ASH1L: variants seen among roughly 807,000 people sequenced by gnomAD.
ASH1L encodes the protein ASH1 like histone lysine methyltransferase.
In ASH1L, 23 loss-of-function variants were observed where a neutral mutation model predicts 269.0. The observed-to-expected ratio is 0.09, with a 90% CI of 0.06 to 0.12. The LOEUF is 0.12. Ranked by LOEUF, ASH1L falls within the 10% of genes least tolerant of loss-of-function variation. ASH1L has a pLI of 1.00. For missense variants in ASH1L, 2,912 were observed against 3,567.8 expected, an observed-to-expected ratio of 0.82 and a Z score of 4.68; for synonymous variants, 1,187 against 1,253.5, an observed-to-expected ratio of 0.95 and a Z score of 1.12.
rs543944644 is a variant in ASH1L at position 155,401,172 on chromosome 1, A to C, written c.6009-5619T>G. Among the ~76,000 whole-genome samples, 6 of 151,730 alleles carry C rather than the reference A, an allele frequency of 4.0e-5. 1 individual carries two copies. In the South Asian group the frequency reaches 1.2e-3, roughly 32 times the overall value. On this transcript the variant is annotated intron_variant, in intron 6 of 27. Coordinates refer to ENST00000392403, the MANE Select transcript of ASH1L (RefSeq NM_018489.3). ...TGAGACTCTCTGTCTCAAAAAAAAAAAGTGTTAAAAAAGATCGCCGGTGGC... is the reference window on the plus strand; with the variant it reads ...TGAGACTCTCTGTCTCAAAAAAAAACAGTGTTAAAAAAGATCGCCGGTGGC...
At chr1:155,558,921 T>A (rs1230792422) in intron 1 of ASH1L, among the ~76,000 whole-genome samples, 1 of 149,590 alleles carries the variant, frequency 6.7e-6, no homozygotes, top group South Asian at 2.1e-4. Flanking sequence ...CTCGGCTCAC[T>A]GCAACCTCCA....
At chr1:155,388,775 G>A (rs1160320178) in intron 7 of ASH1L, among the ~76,000 whole-genome samples, 5 of 141,960 alleles carry the variant, frequency 3.5e-5, no homozygotes, top group Non-Finnish European at 6.1e-5. Context: ...GCTGGAGTGC[G>A]CTGGTGCAAT....
At chr1:155,355,716 A>G (rs1002613353) in intron 15 of ASH1L, among the ~76,000 whole-genome samples, 5 of 152,218 alleles carry the variant, frequency 3.3e-5, no homozygotes, top group African/African-American at 9.7e-5. Flanking sequence ...TAAAATTTCT[A>G]CAACTCAAAG....
chr1:155,436,790 T>C (rs1416500531), intron 5 of ASH1L, among the ~76,000 whole-genome samples: 1 of 152,130 alleles, frequency 6.6e-6, no homozygotes, highest in African/African-American at 2.4e-5. Context: ...CCACCACGCC[T>C]GGCCAAGAGT....
At chr1:155,482,579 CTAA>C in intron 2 of ASH1L, 130 bp from the exon 3 acceptor site, 1 of 904,400 alleles carries the variant, frequency 1.1e-6, no homozygotes, top group East Asian at 2.5e-5. Context: ...TTTAAAAAAC[CTAA>C]TATTATACTT....
At chr1:155,436,680 A>C (rs1662125815) in intron 5 of ASH1L, among the ~76,000 whole-genome samples, 1 of 151,660 alleles carries the variant, frequency 6.6e-6, no homozygotes, top group South Asian at 2.1e-4. Flanking sequence ...TATTTTTAGT[A>C]GAGACGGGGT....
At chr1:155,551,446 G>A (rs988585350) in intron 1 of ASH1L, among the ~76,000 whole-genome samples, 6 of 151,388 alleles carry the variant, frequency 4.0e-5, no homozygotes, top group Admixed American at 2.6e-4. Context: ...GGATCACGAG[G>A]TCAGGAGATC....
intron 25 of ASH1L, among the ~76,000 whole-genome samples, chr1:155,340,777 A>ATT (rs748634356): frequency 8.5e-5 from 12 of 141,392 alleles, no homozygotes; most frequent in Non-Finnish European, 1.5e-4. Flanking sequence ...TCTATACTTA[A>ATT]TTTTTTTTTT....
chr1:155,341,568 A>T (rs1026169349), intron 25 of ASH1L, among the ~76,000 whole-genome samples: 8 of 152,132 alleles, frequency 5.3e-5, no homozygotes, highest in Non-Finnish European at 2.9e-5. Context: ...TTCTTCTTTT[A>T]CGGGTGTGTT....
chr1:155,343,314 C>A lies in ASH1L; in HGVS notation c.8293G>T (p.Gly2765Trp). 1 of 1,611,248 alleles carries A rather than the reference C, an allele frequency of 6.2e-7. No homozygotes were observed. The highest frequency in any genetic ancestry group is 1.1e-5 in the South Asian group (1 of 90,708). The change falls in exon 24 of 28, where the codon GGG (glycine) becomes TGG (tryptophan). Residue 2765 changes from glycine (G) to tryptophan (W), a missense_variant and splice_region_variant. By Grantham distance (184) the Gly-to-Trp change is radical. Around this residue, in one of 13 missense-constraint regions of ASH1L, gnomAD observed 179 missense variants for 293.8 expected, o/e 0.61. Coordinates refer to ENST00000392403, the MANE Select transcript of ASH1L (RefSeq NM_018489.3). This position sits in a 1 kb window ranked among gnomAD's most constrained non-coding sequence, Gnocchi z 6.1. Reference protein sequence around the residue: ...CVLDLYTYCKGRPKGVKEQDV... With the variant: ...CVLDLYTYCKWRPKGVKEQDV... ...TTTTTAACTAGCCCAGATCACTTAC[C>A]TTTACAATACGTATAAAGGTCCAAC... is the stretch of plus-strand genomic sequence containing the variant.
rs753396609 is a variant in ASH1L, at chr1:155,352,823, C to T, written c.7249G>A (p.Ala2417Thr). 1.9e-6 allele frequency: 3 copies of T among 1,613,610 alleles called. No individual in the cohort carries two copies. Among genetic ancestry groups the T allele is most frequent in the Admixed American group, 1.7e-5 (1 of 59,888 alleles). Residue 2417 changes from alanine to threonine, a missense_variant, in exon 17 of 28, where the codon GCT (alanine) becomes ACT (threonine). Around this residue, in one of 13 missense-constraint regions of ASH1L, gnomAD observed 309 missense variants for 435.1 expected, o/e 0.71. Transcript: ENST00000392403. ...AACCGTCTTGTTCGAACAGATCGAG[C>T]TGTCTGCAGGGCAGAGAACTGGGTC... ...FMTQFSALQT[A>T]RSVRTRRLAA...
chr1:155,513,599 T>C (rs1201026047), intron 2 of ASH1L, among the ~76,000 whole-genome samples: 1 of 147,518 alleles, frequency 6.8e-6, no homozygotes, highest in Non-Finnish European at 1.5e-5. Context: ...AGAATTACAA[T>C]GTCCAGCCTG....
intron 2 of ASH1L, among the ~76,000 whole-genome samples, chr1:155,493,195 C>T (rs904499800): frequency 6.6e-6 from 1 of 152,158 alleles, no homozygotes; most frequent in African/African-American, 2.4e-5. Context: ...ATCACCACTA[C>T]TTTAATAACC....
At position 155,562,465 on chromosome 1, in the gene ASH1L, TGGCGGC is replaced by T. The variant is rs1467434989; in HGVS notation, c.-418_-413del. ...GGCGGCAGCAGCAGAGTGGCGGCGG[TGGCGGC>T]GGCAGCTCCTCCAGAGGGAGGGAGC... is the stretch of plus-strand genomic sequence containing the variant. On this transcript the variant is annotated 5_prime_UTR_variant, in exon 1 of 28. Coordinates refer to ENST00000392403, the MANE Select transcript of ASH1L (RefSeq NM_018489.3). 6.9e-7 allele frequency: 1 copy of T among 1,451,718 alleles called. No homozygotes were observed. Among genetic ancestry groups the T allele is most frequent in the East Asian group, 2.5e-5 (1 of 40,144 alleles). 89.9% of individuals were successfully genotyped at this position (1,451,718 alleles called of 1,614,324 possible). A position where few individuals can be genotyped will look rare whatever the true frequency, so the allele number is the denominator to read the frequency against.
At chr1:155,487,213 T>C (rs1666387083) in intron 2 of ASH1L, among the ~76,000 whole-genome samples, 1 of 151,974 alleles carries the variant, frequency 6.6e-6, no homozygotes, top group Non-Finnish European at 1.5e-5. Context: ...ACTGAATTAA[T>C]GGAGCCAGAA....
At position 155,438,668 on chromosome 1, in the gene ASH1L, G is replaced by A. The variant is rs1343250484; in HGVS notation, c.5487C>T (p.Ile1829=). 1 of 1,614,218 alleles carries A rather than the reference G, an allele frequency of 6.2e-7. No homozygotes were observed. Among genetic ancestry groups the A allele is most frequent in the Non-Finnish European group, 8.5e-7 (1 of 1,180,046 alleles). The change falls in exon 5 of 28, where the codon ATC becomes ATT. Residue 1829 remains isoleucine (I), a synonymous_variant. Transcript: ENST00000392403. ...GCCTTTGAAGTTTTTTGGCTTTTAAGATTTTATTGACATGGTCTAGGTTTT... is the reference window on the plus strand; with the variant it reads ...GCCTTTGAAGTTTTTTGGCTTTTAAAATTTTATTGACATGGTCTAGGTTTT... ...TKKNLDHVNK[I]LKAKKLQRQA... is the part of the protein sequence containing the mutation.
In ASH1L at chr1:155,534,960, C is replaced by A. The variant is rs929521651; in HGVS notation, c.-99-13342G>T. On this transcript the variant is annotated intron_variant, in intron 1 of 27. Coordinates refer to ENST00000392403, the MANE Select transcript of ASH1L (RefSeq NM_018489.3). ...ACCTCAGCACTTTGGCAGGCCAAGG[C>A]GGGTGGATCACCTGAGGTCAGGAGC... is the stretch of plus-strand genomic sequence containing the variant. Among the ~76,000 whole-genome samples the A allele has an allele frequency of 1.2e-4, 18 of 152,248 alleles. 1 individual carries two copies. Among genetic ancestry groups the A allele is most frequent in the African/African-American group, 3.9e-4 (16 of 41,548 alleles).
chr1:155,367,075 C>T (rs771566011), intron 12 of ASH1L, among the ~76,000 whole-genome samples: 31 of 144,568 alleles, frequency 2.1e-4, no homozygotes, highest in Non-Finnish European at 3.9e-4. Context: ...TTCACTACAA[C>T]CTCCGCCTCC....
chr1:155,563,071 A>G (rs1186994038), upstream of ASH1L: 2 of 451,456 alleles, frequency 4.4e-6, no homozygotes, highest in Non-Finnish European at 8.9e-6. Flanking sequence ...ACGACAACCT[A>G]CCTCCCTGGG....
Sources: gnomAD v4.1 joint callset for allele counts (sites outside exome capture counted in the v4.1 genomes callset) on GRCh38, gnomAD v4.1.1 for gene constraint, gnomAD v4.1.1 regional missense constraint, Gnocchi (gnomAD v3.1) non-coding constraint, MANE v1.5 for transcripts, NCBI Gene and HGNC (gene_info 2026-07-23, HGNC 2026-07-21) for gene names.